Variants in NCAPD3 observed in about 807,000 individuals in gnomAD.
NCAPD3 encodes the protein condensin-2 complex subunit D3.
Under a neutral mutation model 182.9 loss-of-function variants are expected in NCAPD3, and 105 were observed. The observed-to-expected ratio is 0.57, with a 90% confidence interval of 0.49 to 0.68. NCAPD3 has a LOEUF of 0.68. Among genes scored for constraint, NCAPD3 ranks in the 30% least tolerant of loss-of-function variants. The pLI is 0.00. For synonymous variants in NCAPD3, 815 were observed against 679.9 expected (o/e 1.20, Z -3.09); for missense variants, 1,944 against 1,837.0 (o/e 1.06, Z -1.07).
intron 11 of NCAPD3, among the ~76,000 whole-genome samples, chr11:134,203,403 C>T (rs1404202699): frequency 1.3e-5 from 2 of 152,180 alleles, no homozygotes; most frequent in South Asian, 2.1e-4. Context: ...TGCAAAGCAA[C>T]AGTAAAGGTA....
chr11:134,164,822 G>A (rs183271109), intron 27 of NCAPD3, among the ~76,000 whole-genome samples: 1 of 148,126 alleles, frequency 6.8e-6, no homozygotes, highest in Admixed American at 6.7e-5. Context: ...CTCATGAAAT[G>A]ACCTTAGGGG....
intron 30 of NCAPD3, 66 bp from the exon 31 acceptor site, chr11:134,158,133 ACT>A (rs1943477074): frequency 6.3e-7 from 1 of 1,576,312 alleles, no homozygotes; most frequent in Non-Finnish European, 8.6e-7. Context: ...ACAGTGCTGC[ACT>A]GTGTCCCCGC....
intron 3 of NCAPD3, among the ~76,000 whole-genome samples, chr11:134,213,866 A>G (rs1166438645): frequency 1.3e-5 from 2 of 152,208 alleles, no homozygotes; most frequent in East Asian, 1.9e-4. Context: ...GGACCAATCC[A>G]TCAGGAAGAC....
chr11:134,164,764 G>A (rs554460351), intron 27 of NCAPD3, among the ~76,000 whole-genome samples: 1 of 151,974 alleles, frequency 6.6e-6, no homozygotes, highest in South Asian at 2.1e-4. Flanking sequence ...TGTGACATGA[G>A]CTTGGGGGAG....
intron 22 of NCAPD3, 38 bp from the exon 23 acceptor site, chr11:134,177,495 T>C: frequency 6.4e-7 from 1 of 1,561,508 alleles, no homozygotes; most frequent in South Asian, 1.1e-5. Flanking sequence ...AACTGTATTC[T>C]AAATCCTAAT....
chr11:134,200,424 T>C (rs893867675), intron 13 of NCAPD3, among the ~76,000 whole-genome samples: 8 of 152,162 alleles, frequency 5.3e-5, no homozygotes, highest in East Asian at 3.9e-4. Flanking sequence ...AGAGCTTGAA[T>C]AGACATTTCT....
At chr11:134,185,151 T>C in intron 17 of NCAPD3, 151 bp from the exon 18 acceptor site, 1 of 880,076 alleles carries the variant, frequency 1.1e-6, no homozygotes, top group African/African-American at 1.7e-5. Context: ...GCATTTAATG[T>C]ACTTGGACAA....
chr11:134,166,863 A>C, intron 27 of NCAPD3, among the ~76,000 whole-genome samples: 1 of 74,226 alleles, frequency 1.3e-5, no homozygotes, highest in Non-Finnish European at 2.6e-5. Flanking sequence ...TCATGAGAGG[A>C]GCTTAGGGGA....
intron 13 of NCAPD3, among the ~76,000 whole-genome samples, chr11:134,201,638 ACTGGAAAC>A (rs1301251189): frequency 6.6e-6 from 1 of 152,218 alleles, no homozygotes; most frequent in Non-Finnish European, 1.5e-5. Flanking sequence ...TGAACAATGC[ACTGGAAAC>A]ATGGGCTCTT....
intron 8 of NCAPD3, 114 bp downstream of exon 8, chr11:134,206,485 A>G (rs554819138): frequency 2.2e-5 from 31 of 1,428,528 alleles, no homozygotes; most frequent in Non-Finnish European, 3.0e-5. Flanking sequence ...TTTCACCCCC[A>G]AAACCACCAT....
At position 134,176,286 on chromosome 11, in the gene NCAPD3, T is replaced by G. The variant is rs201438410; in HGVS notation, c.3101+21A>C. ...AAATGAGGTAAACTGTTGAGTCGTC[T>G]GACGTGAGGAAAAGATTTACCTGGC... On this transcript the variant is annotated intron_variant, in intron 24 of 34. Coordinates refer to ENST00000534548, the MANE Select transcript of NCAPD3 (RefSeq NM_015261.3). 2.5e-6 allele frequency: 4 copies of G among 1,604,870 alleles called. No homozygotes were observed. In the African/African-American group the frequency reaches 5.4e-5, roughly 21 times the overall value.
In NCAPD3 at chr11:134,153,811, C is replaced by T. The variant is rs191075831; in HGVS notation, c.4253-448G>A. 2.4e-5 allele frequency: 5 copies of T among 206,146 alleles called. No individual in the cohort carries two copies. In the East Asian group the frequency reaches 6.2e-4, roughly 26 times the overall value. The allele number at this position is 206,146 out of a possible 1,614,324, so 12.8% of individuals were successfully genotyped here. A position where few individuals can be genotyped will look rare whatever the true frequency, so the allele number is the denominator to read the frequency against. ...AGCATGCGCGCTGGAAATATGGCAC[C>T]GTGAGCAGCTCCTCCACATGGAATC... On this transcript the variant is annotated intron_variant, in intron 32 of 34. Transcript: ENST00000534548.
intron 25 of NCAPD3, 123 bp downstream of exon 25, chr11:134,168,794 A>G (rs1943934316): frequency 2.2e-5 from 31 of 1,414,688 alleles, no homozygotes; most frequent in Non-Finnish European, 2.9e-5. Context: ...CATCCTGCCA[A>G]GCCACAGTAA....
chr11:134,209,517 CCAAA>C, intron 4 of NCAPD3, 40 bp from the exon 5 acceptor site: 1 of 1,561,924 alleles, frequency 6.4e-7, no homozygotes, highest in Non-Finnish European at 8.7e-7. Context: ...GTAATAAATG[CCAAA>C]CACTTTGTCC....
intron 19 of NCAPD3, among the ~76,000 whole-genome samples, chr11:134,181,987 T>C (rs1223714641): frequency 6.6e-6 from 1 of 152,238 alleles, no homozygotes; most frequent in Non-Finnish European, 1.5e-5. Context: ...GCAATGCTTT[T>C]AGTCTGACTT....
At chr11:134,199,218 C>T (rs1034966803) in intron 13 of NCAPD3, among the ~76,000 whole-genome samples, 2 of 152,106 alleles carry the variant, frequency 1.3e-5, no homozygotes, top group African/African-American at 4.8e-5. Flanking sequence ...ATGTTAACAC[C>T]AAAATATGAC....
chr11:134,209,196 G>T lies in NCAPD3; in HGVS notation c.743C>A (p.Ser248Ter). Residue 248 changes from serine (S) to a stop codon, truncating the protein, a stop_gained, in exon 6 of 35, where the codon TCA becomes TAA. Coordinates refer to ENST00000534548, the MANE Select transcript of NCAPD3 (RefSeq NM_015261.3). LOFTEE classifies it high-confidence loss of function. ...CVQNCIEVFV[S>*]LTNFEPVLHE... ...AAGAACTGGCTCAAAATTAGTTAAT[G>T]AAACAAAGACCTAGAAAACAGATAT... The T allele has an allele frequency of 1.9e-6, 3 of 1,613,212 alleles. No homozygotes were observed. The highest frequency in any genetic ancestry group is 2.5e-6 in the Non-Finnish European group (3 of 1,179,632).
intron 4 of NCAPD3, 54 bp downstream of exon 4, chr11:134,210,216 A>C: frequency 6.7e-7 from 1 of 1,490,188 alleles, no homozygotes; most frequent in Admixed American, 2.0e-5. Flanking sequence ...TCAATCCTTA[A>C]ATAAAGCAAA....
chr11:134,180,563 C>T (rs534163999), intron 20 of NCAPD3, among the ~76,000 whole-genome samples: 1 of 152,184 alleles, frequency 6.6e-6, no homozygotes, highest in Non-Finnish European at 1.5e-5. Context: ...AGGGGTGCCA[C>T]AGAAAACAAT....
Sources: allele counts gnomAD v4.1 joint callset (sites outside exome capture counted in the v4.1 genomes callset), GRCh38; gene constraint gnomAD v4.1.1; transcripts MANE v1.5; gene names NCBI Gene and HGNC (gene_info 2026-07-23, HGNC 2026-07-21).